Variants in UNC5D observed in about 807,000 individuals in gnomAD.
UNC5D encodes unc-5 netrin receptor D, also known as netrin receptor UNC5D.
In UNC5D, 39 loss-of-function variants were observed where a neutral mutation model predicts 105.4. The ratio of observed to expected loss-of-function variants is 0.37; its 90% CI spans 0.29 to 0.48. The LOEUF (loss-of-function observed/expected upper bound fraction) is 0.48. UNC5D is among the 20% of genes least tolerant of loss of function. The probability of loss-of-function intolerance (pLI) is 0.98; values close to 1 mark genes in which losing one functional copy is unlikely to be tolerated. For missense variants in UNC5D, 991 were observed against 1,202.4 expected (o/e 0.82, Z 2.60); for synonymous variants, 452 against 450.4 (o/e 1.00, Z -0.04).
At chr8:35,337,533 A>T (rs1176876130) in intron 1 of UNC5D, among the ~76,000 whole-genome samples, 6 of 152,210 alleles carry the variant, frequency 3.9e-5, no homozygotes, top group Admixed American at 3.9e-4. Context: ...TCATCAAGAA[A>T]GCAGTCAGCT....
intron 1 of UNC5D, among the ~76,000 whole-genome samples, chr8:35,358,911 T>C (rs1022662185): frequency 5.3e-5 from 8 of 152,216 alleles, no homozygotes; most frequent in African/African-American, 1.7e-4. Flanking sequence ...GGTTTTTATA[T>C]GAATGAGTTA....
In UNC5D at chr8:35,794,935, G is replaced by A. The variant is rs1220648264; in HGVS notation, c.*4372G>A. ...TGTGTAGTACCGTGATCTGAAGTAG[G>A]AAATTTAACTGACATAGAATAATTG... On this transcript the variant is annotated 3_prime_UTR_variant, in exon 17 of 17. Transcript: ENST00000404895. 6.6e-6 allele frequency: 1 copy of A among 152,174 alleles called. No homozygotes were observed. Among genetic ancestry groups the A allele is most frequent in the Non-Finnish European group, 1.5e-5 (1 of 68,044 alleles). The allele number at this position is 152,174 out of a possible 1,614,324, so 9.4% of individuals were successfully genotyped here.
At chr8:35,727,882 T>C (rs1399822648) in intron 10 of UNC5D, 2 of 151,696 alleles carry the variant, frequency 1.3e-5, no homozygotes, top group African/African-American at 4.9e-5. Context: ...ACTAGACATG[T>C]GAGTCCTGAG....
At chr8:35,583,035 GA>G (rs1279626031) in intron 3 of UNC5D, among the ~76,000 whole-genome samples, 1 of 152,164 alleles carries the variant, frequency 6.6e-6, no homozygotes, top group Non-Finnish European at 1.5e-5. Context: ...AGCTGTCTCA[GA>G]AAAGGGATAC....
chr8:35,296,334 CTCT>C (rs1807486240), intron 1 of UNC5D, among the ~76,000 whole-genome samples: 1 of 152,136 alleles, frequency 6.6e-6, no homozygotes, highest in Admixed American at 6.6e-5. Flanking sequence ...ATCTTTTGTC[CTCT>C]TGATAGTAGC....
chr8:35,401,006 C>A (rs1299580177), intron 1 of UNC5D, among the ~76,000 whole-genome samples: 1 of 152,070 alleles, frequency 6.6e-6, no homozygotes, highest in Non-Finnish European at 1.5e-5. Flanking sequence ...ATACAACATG[C>A]ATTCATACTA....
At chr8:35,563,792 A>G (rs557369999) in intron 2 of UNC5D, among the ~76,000 whole-genome samples, 5 of 152,160 alleles carry the variant, frequency 3.3e-5, no homozygotes, top group South Asian at 2.1e-4. Flanking sequence ...TGTTCTTTCT[A>G]TGTATAATTT....
intron 3 of UNC5D, among the ~76,000 whole-genome samples, chr8:35,584,803 C>T (rs1011617426): frequency 2.8e-4 from 42 of 152,206 alleles, no homozygotes; most frequent in African/African-American, 9.9e-4. Context: ...CTTTGTAAGA[C>T]ACAGTTGTAT....
chr8:35,790,714 A>G lies in UNC5D; in HGVS notation c.*151A>G. The G allele has an allele frequency of 2.6e-6, 2 of 774,214 alleles. No homozygotes were observed. Among genetic ancestry groups the G allele is most frequent in the Non-Finnish European group, 4.2e-6 (2 of 480,314 alleles). The allele number at this position is 774,214 out of a possible 1,614,324, so 48.0% of individuals were successfully genotyped here. ...CCCTGTTGAAGAAACTAAATTTTAT[A>G]TAGGTAAAACATGTTAATAGGGAAG... On this transcript the variant is annotated 3_prime_UTR_variant, in exon 17 of 17. Coordinates refer to ENST00000404895, the MANE Select transcript of UNC5D (RefSeq NM_080872.4).
intron 1 of UNC5D, among the ~76,000 whole-genome samples, chr8:35,540,836 G>A (rs761821388): frequency 2.6e-5 from 4 of 152,154 alleles, no homozygotes; most frequent in Non-Finnish European, 5.9e-5. Context: ...GCCCTCTTGG[G>A]AAATAAGTCA....
At chr8:35,692,467 T>C (rs899734319) in intron 7 of UNC5D, among the ~76,000 whole-genome samples, 3 of 152,348 alleles carry the variant, frequency 2.0e-5, no homozygotes, top group Middle Eastern at 3.4e-3. Context: ...GAGATAGCTC[T>C]ACACATTTAA....
intron 1 of UNC5D, among the ~76,000 whole-genome samples, chr8:35,356,626 GTT>G (rs35841172): frequency 2.2e-4 from 32 of 147,334 alleles, no homozygotes; most frequent in East Asian, 1.2e-3. Flanking sequence ...CATCAACAAA[GTT>G]TTTTTTTTTT....
intron 4 of UNC5D, among the ~76,000 whole-genome samples, chr8:35,602,592 T>G (rs1819965547): frequency 6.6e-6 from 1 of 152,148 alleles, no homozygotes; most frequent in Non-Finnish European, 1.5e-5. Context: ...TGCATAGAGG[T>G]GTTTATAGTA....
At chr8:35,519,251 A>G (rs959818882) in intron 1 of UNC5D, among the ~76,000 whole-genome samples, 13 of 152,138 alleles carry the variant, frequency 8.5e-5, no homozygotes, top group African/African-American at 3.1e-4. Context: ...ATATGATCTT[A>G]TAATGGTCTT....
intron 3 of UNC5D, among the ~76,000 whole-genome samples, chr8:35,581,960 C>T (rs573975492): frequency 6.6e-6 from 1 of 152,288 alleles, no homozygotes; most frequent in Non-Finnish European, 1.5e-5. Flanking sequence ...TTGTCCTCTT[C>T]TCTCCACCTG....
chr8:35,643,753 A>G (rs1327505488), intron 4 of UNC5D, among the ~76,000 whole-genome samples: 1 of 152,158 alleles, frequency 6.6e-6, no homozygotes, highest in Non-Finnish European at 1.5e-5. Flanking sequence ...AATGTCTAAA[A>G]AATGTTTTAG....
chr8:35,589,391 C>T, intron 3 of UNC5D, among the ~76,000 whole-genome samples: 1 of 149,272 alleles, frequency 6.7e-6, no homozygotes, highest in Admixed American at 6.7e-5. Context: ...ATCCATTTTT[C>T]TGTGGAGCTC....
chr8:35,534,324 C>T lies in UNC5D; in HGVS notation c.104-14968C>T, dbSNP rs866576943. Among the ~76,000 whole-genome samples the T allele has an allele frequency of 5.9e-5, 9 of 152,040 alleles. No individual in the cohort carries two copies. The South Asian group carries it at 1.9e-3, about 31-fold the overall frequency. On this transcript the variant is annotated intron_variant, in intron 1 of 16. Transcript: ENST00000404895. The stretch of plus-strand genomic sequence containing the variant: ...CTGTCAACTTTAAACACTGTCTAAA[C>T]ACAGATTTTAATGTTTTTTAATGAC...
chr8:35,265,353 A>AG (rs1464468273), intron 1 of UNC5D, among the ~76,000 whole-genome samples: 1 of 152,122 alleles, frequency 6.6e-6, no homozygotes, highest in Admixed American at 6.5e-5. Context: ...CTGTAAAAAA[A>AG]GATAGATAGT....
Sources: gnomAD v4.1 joint callset for allele counts (sites outside exome capture counted in the v4.1 genomes callset) on GRCh38, gnomAD v4.1.1 for gene constraint, MANE v1.5 for transcripts, NCBI Gene and HGNC (gene_info 2026-07-23, HGNC 2026-07-21) for gene names.